The following POU1F1 variants were observed in gnomAD, a reference collection of about 807,000 sequenced individuals.
POU1F1 encodes POU class 1 homeobox 1.
In POU1F1, 23 loss-of-function variants were observed where a neutral mutation model predicts 32.3. The observed-to-expected ratio is 0.71, with a 90% CI of 0.51 to 1.01. The LOEUF (loss-of-function observed/expected upper bound fraction) is 1.01. Ranked by LOEUF, POU1F1 falls within the 50% of genes least tolerant of loss-of-function variation. The pLI, the probability that POU1F1 is intolerant of heterozygous loss-of-function variation, is 0.00. For missense variants in POU1F1, 323 were observed against 341.6 expected, an observed-to-expected ratio of 0.95 and a Z score of 0.43; for synonymous variants, 120 against 115.6, an observed-to-expected ratio of 1.04 and a Z score of -0.25.
At chr3:87,270,831 T>C (rs1706708670) in intron 2 of POU1F1, among the ~76,000 whole-genome samples, 1 of 152,166 alleles carries the variant, frequency 6.6e-6, no homozygotes, top group South Asian at 2.1e-4. Context: ...TATGCAGCTT[T>C]ACTGGGGATA....
At chr3:87,263,675 C>T (rs912845452) in intron 3 of POU1F1, among the ~76,000 whole-genome samples, 3 of 151,892 alleles carry the variant, frequency 2.0e-5, no homozygotes, top group Non-Finnish European at 2.9e-5. Context: ...GGTTAATCAT[C>T]GTGGTATCGT....
rs1404422576 is a variant in POU1F1, at chr3:87,264,156, GACTA to G, written c.439+128_439+131del. On this transcript the variant is annotated intron_variant, in intron 3 of 5. Coordinates refer to ENST00000350375, the MANE Select transcript of POU1F1 (RefSeq NM_000306.4). ...AATGTTTTTGGAGGATTTCCATAAC[GACTA>G]ACTACGTCCACAGTAGAGATGAAGA... The G allele has an allele frequency of 2.0e-5, 15 of 733,208 alleles. No individual in the cohort carries two copies. The East Asian group carries it at 2.2e-4, about 11-fold the overall frequency. 45.4% of individuals were successfully genotyped at this position (733,208 alleles called of 1,614,324 possible).
Position 87,260,115 on chromosome 3 carries a change from G to T in POU1F1, c.666-11C>A, listed in dbSNP as rs200529199. 28 of 1,609,472 alleles carry T rather than the reference G, an allele frequency of 1.7e-5. No homozygotes were observed. In the East Asian group the frequency reaches 4.0e-4, roughly 23 times the overall value. Reference sequence around the variant, plus strand: ...TCTTTAGCAGCAATGCTGGCGGGGGGTGGACATAGGGGGTGAAATTTTGTT... The same window carrying T: ...TCTTTAGCAGCAATGCTGGCGGGGGTTGGACATAGGGGGTGAAATTTTGTT... On this transcript the variant is annotated splice_polypyrimidine_tract_variant and intron_variant, in intron 5 of 5. Transcript: ENST00000350375.
At chr3:87,271,135 T>C (rs1456033530) in intron 2 of POU1F1, among the ~76,000 whole-genome samples, 1 of 152,144 alleles carries the variant, frequency 6.6e-6, no homozygotes, top group African/African-American at 2.4e-5. Context: ...TGAATCATTT[T>C]GAAAGGCTCT....
intron 2 of POU1F1, among the ~76,000 whole-genome samples, chr3:87,271,110 A>T (rs1160662130): frequency 6.6e-6 from 1 of 152,074 alleles, no homozygotes; most frequent in Non-Finnish European, 1.5e-5. Context: ...TCTTGATGTC[A>T]CTAAGACAGG....
chr3:87,262,124 C>A lies in POU1F1; in HGVS notation c.551G>T (p.Cys184Phe), dbSNP rs753790272. The change falls in exon 4 of 6, where the codon TGC becomes TTC. Residue 184 changes from cysteine to phenylalanine, a missense_variant. Physicochemically the swap from Cys to Phe is radical, Grantham distance 205. Coordinates refer to ENST00000350375, the MANE Select transcript of POU1F1 (RefSeq NM_000306.4). ...TTTGGATAATATTGCTTTCAGTTTG[C>A]ATGCATTTTTAAAGCTGAGCTGCAG... ...ENLQLSFKNA[C>F]KLKAILSKWL... 1.9e-6 allele frequency: 3 copies of A among 1,613,966 alleles called. No individual in the cohort carries two copies. In the East Asian group the frequency reaches 6.7e-5, roughly 36 times the overall value.
chr3:87,261,657 G>A (rs1706516947), intron 4 of POU1F1, among the ~76,000 whole-genome samples: 1 of 152,128 alleles, frequency 6.6e-6, no homozygotes, highest in African/African-American at 2.4e-5. Context: ...AGCTCATTAA[G>A]TTGCATATCT....
Position 87,266,314 on chromosome 3 carries a change from A to G in POU1F1, c.215-1802T>C, listed in dbSNP as rs1356072687. On this transcript the variant is annotated intron_variant, in intron 2 of 5. Transcript: ENST00000350375. ...ATAAATTTAATTTAATGTATTATTT[A>G]TATAAAATATGTAATTATAAATATA... Among the ~76,000 whole-genome samples the G allele has an allele frequency of 6.8e-5, 10 of 146,976 alleles. 1 individual carries two copies. The East Asian group carries it at 1.4e-3, about 20-fold the overall frequency.
chr3:87,268,937 G>T (rs1285041274), intron 2 of POU1F1, among the ~76,000 whole-genome samples: 1 of 152,136 alleles, frequency 6.6e-6, no homozygotes, highest in African/African-American at 2.4e-5. Flanking sequence ...CTGACTCAAT[G>T]TACCATAGCA....
chr3:87,268,896 G>T (rs1193622489), intron 2 of POU1F1, among the ~76,000 whole-genome samples: 3 of 152,128 alleles, frequency 2.0e-5, no homozygotes, highest in Admixed American at 2.0e-4. Context: ...GCAGGCAATG[G>T]GGGTCAGAGA....
At chr3:87,269,410 CAT>C (rs1314960216) in intron 2 of POU1F1, among the ~76,000 whole-genome samples, 10 of 152,084 alleles carry the variant, frequency 6.6e-5, no homozygotes, top group Non-Finnish European at 1.0e-4. Context: ...GAAAATACAT[CAT>C]GTTACTGCTA....
At chr3:87,261,624 C>G (rs927255535) in intron 4 of POU1F1, among the ~76,000 whole-genome samples, 1 of 152,126 alleles carries the variant, frequency 6.6e-6, no homozygotes, top group Non-Finnish European at 1.5e-5. Context: ...CAGGCTCTGA[C>G]ATTTGTATGA....
At position 87,276,420 on chromosome 3, in the gene POU1F1, G is replaced by A. The variant is rs1706827620; in HGVS notation, c.43C>T (p.Leu15=). ...AGAGTTGCAGAGGCGTCAGAATTCA[G>A]AGGTATAAAGGTATCAGCCGAAGTA... ...AFTSADTFIP[L]NSDASATLPL... Residue 15 remains leucine, a synonymous_variant, in exon 1 of 6, where the codon CTG becomes TTG. Coordinates refer to ENST00000350375, the MANE Select transcript of POU1F1 (RefSeq NM_000306.4). 4 of 1,613,944 alleles carry A rather than the reference G, an allele frequency of 2.5e-6. No individual in the cohort carries two copies. The South Asian group carries it at 3.3e-5, about 13-fold the overall frequency.
rs1044688274 is a variant in POU1F1 at position 87,259,660 on chromosome 3, A to G, written c.*234T>C. ...CAGAGAGATCATTTTATTACTGTTA[A>G]TATATTTGGCTTAAAATAGATAATG... is the stretch of plus-strand genomic sequence containing the variant. On this transcript the variant is annotated 3_prime_UTR_variant, in exon 6 of 6. Transcript: ENST00000350375. 2 of 504,972 alleles carry G rather than the reference A, an allele frequency of 4.0e-6. No individual in the cohort carries two copies. Among genetic ancestry groups the G allele is most frequent in the South Asian group, 4.4e-5 (2 of 44,994 alleles). The allele number at this position is 504,972 out of a possible 1,614,324, so 31.3% of individuals were successfully genotyped here. A position where few individuals can be genotyped will look rare whatever the true frequency, so the allele number is the denominator to read the frequency against.
intron 2 of POU1F1, among the ~76,000 whole-genome samples, chr3:87,273,130 G>A (rs942613586): frequency 6.6e-6 from 1 of 152,008 alleles, no homozygotes; most frequent in Admixed American, 6.6e-5. Flanking sequence ...AAGAAGCACA[G>A]CAGTTCAGAG....
chr3:87,268,549 A>T (rs1401556644), intron 2 of POU1F1, among the ~76,000 whole-genome samples: 1 of 152,172 alleles, frequency 6.6e-6, no homozygotes, highest in Non-Finnish European at 1.5e-5. Flanking sequence ...CTGAGCCTGC[A>T]TTTGGGGGAG....
At chr3:87,264,060 G>A (rs528295438) in intron 3 of POU1F1, among the ~76,000 whole-genome samples, 1 of 151,856 alleles carries the variant, frequency 6.6e-6, no homozygotes, top group South Asian at 2.1e-4. Flanking sequence ...CTAATGTTGA[G>A]GTAAGTTTTG....
At chr3:87,274,184 G>A (rs300978) in intron 1 of POU1F1, among the ~76,000 whole-genome samples, 3 of 151,854 alleles carry the variant, frequency 2.0e-5, no homozygotes, top group East Asian at 1.9e-4. Context: ...CCATAAAGCC[G>A]TACATAAACA....
At chr3:87,261,388 A>G (rs1281504425) in intron 4 of POU1F1, 55 bp from the exon 5 acceptor site, 3 of 1,332,468 alleles carry the variant, frequency 2.3e-6, no homozygotes, top group Non-Finnish European at 3.2e-6. Context: ...TTTTATAAAA[A>G]ACGATCTGAT....
Sources: gnomAD v4.1 joint callset for allele counts (sites outside exome capture counted in the v4.1 genomes callset) on GRCh38, gnomAD v4.1.1 for gene constraint, MANE v1.5 for transcripts, NCBI Gene and HGNC (gene_info 2026-07-23, HGNC 2026-07-21) for gene names.